The following L3MBTL4 variants were observed in gnomAD, a reference collection of about 807,000 sequenced individuals.
The protein encoded by L3MBTL4 is lethal(3)malignant brain tumor-like protein 4.
A neutral mutation model predicts 84.5 loss-of-function variants in L3MBTL4; 70 were observed. The ratio of observed to expected loss-of-function variants is 0.83; its 90% CI spans 0.68 to 1.01. L3MBTL4 has a LOEUF of 1.01. Ranked by LOEUF, L3MBTL4 falls within the 50% of genes least tolerant of loss-of-function variation. The probability of loss-of-function intolerance (pLI) is 0.00; values close to 1 mark genes in which losing one functional copy is unlikely to be tolerated. For missense variants in L3MBTL4, 715 were observed against 754.8 expected, an observed-to-expected ratio of 0.95 and a Z score of 0.62; for synonymous variants, 274 against 259.8, an observed-to-expected ratio of 1.05 and a Z score of -0.52.
At chr18:5,992,360 G>A (rs1042022202) in intron 16 of L3MBTL4, among the ~76,000 whole-genome samples, 6 of 152,154 alleles carry the variant, frequency 3.9e-5, no homozygotes, top group Non-Finnish European at 8.8e-5. Context: ...AGTATGATAC[G>A]ATGTTTGATA....
Position 6,001,961 on chromosome 18 carries a change from G to C in L3MBTL4, c.1445-32399C>G, listed in dbSNP as rs901104750. On this transcript the variant is annotated intron_variant, in intron 16 of 18. Transcript: ENST00000317931. Reference sequence around the variant, plus strand: ...AGATGCTCAACAAACTCCAAGTAAAGTAAACCTCAAGAAGACCCACAATGA... The same window carrying C: ...AGATGCTCAACAAACTCCAAGTAAACTAAACCTCAAGAAGACCCACAATGA... Among the ~76,000 whole-genome samples the C allele has an allele frequency of 2.0e-5, 3 of 152,192 alleles. 1 individual carries two copies. In the South Asian group the frequency reaches 6.2e-4, roughly 32 times the overall value.
At position 6,004,666 on chromosome 18, in the gene L3MBTL4, A is replaced by G. The variant is rs544181939; in HGVS notation, c.1445-35104T>C. On this transcript the variant is annotated intron_variant, in intron 16 of 18. Coordinates refer to ENST00000317931, the MANE Select transcript of L3MBTL4 (RefSeq NM_001330559.2). ...TGTCATATATATCCAACGGGATATT[A>G]TTTACCTTTAAAAAGGAATGAAATT... is the stretch of plus-strand genomic sequence containing the variant. 1.3e-3 allele frequency among the ~76,000 whole-genome samples: 190 copies of G among 150,694 alleles called. 2 individuals carry two copies. Among genetic ancestry groups the G allele is most frequent in the South Asian group, 3.5e-3 (17 of 4,818 alleles).
chr18:6,091,532 A>C (rs1196651190), intron 15 of L3MBTL4, among the ~76,000 whole-genome samples: 1 of 152,184 alleles, frequency 6.6e-6, no homozygotes, highest in Non-Finnish European at 1.5e-5. Context: ...ATTATCAACT[A>C]ACATTCTCGA....
At position 6,295,012 on chromosome 18, in the gene L3MBTL4, G is replaced by A. The variant is rs539155163; in HGVS notation, c.127+6891C>T. On this transcript the variant is annotated intron_variant, in intron 4 of 18. Transcript: ENST00000317931. ...TAAGAGGCCAGGCACGGTGGTTCACGCTTGTAATCCCAGCATTTTGGGAAG... is the reference window on the plus strand; with the variant it reads ...TAAGAGGCCAGGCACGGTGGTTCACACTTGTAATCCCAGCATTTTGGGAAG... Among the ~76,000 whole-genome samples the A allele has an allele frequency of 3.9e-5, 6 of 152,040 alleles. No homozygotes were observed. The South Asian group carries it at 6.2e-4, about 16-fold the overall frequency.
chr18:6,266,801 T>C (rs1490002172), intron 4 of L3MBTL4, among the ~76,000 whole-genome samples: 2 of 152,070 alleles, frequency 1.3e-5, no homozygotes, highest in African/African-American at 4.8e-5. Context: ...TGCATGCCTA[T>C]AATCCCAGCT....
intron 1 of L3MBTL4, among the ~76,000 whole-genome samples, chr18:6,393,549 C>T (rs1431625001): frequency 6.6e-6 from 1 of 152,228 alleles, no homozygotes; most frequent in African/African-American, 2.4e-5. Flanking sequence ...TTGTTCTCCA[C>T]CCAAGACTAT....
chr18:6,270,931 A>C (rs2048839410), intron 4 of L3MBTL4, among the ~76,000 whole-genome samples: 1 of 152,236 alleles, frequency 6.6e-6, no homozygotes, highest in Non-Finnish European at 1.5e-5. Flanking sequence ...AAAAGGATGG[A>C]GAGACAGGCA....
At chr18:5,987,157 G>A (rs1026367222) in intron 16 of L3MBTL4, among the ~76,000 whole-genome samples, 26 of 152,176 alleles carry the variant, frequency 1.7e-4, no homozygotes, top group African/African-American at 6.3e-4. Context: ...CTTGTAGGAG[G>A]CTCAGGACGG....
chr18:6,267,214 T>C (rs1052437250), intron 4 of L3MBTL4, among the ~76,000 whole-genome samples: 1 of 152,230 alleles, frequency 6.6e-6, no homozygotes, highest in Non-Finnish European at 1.5e-5. Context: ...GACATTAATA[T>C]TCACTATCTG....
chr18:6,205,780 T>C (rs1331446492), intron 12 of L3MBTL4, among the ~76,000 whole-genome samples: 1 of 152,184 alleles, frequency 6.6e-6, no homozygotes, highest in Non-Finnish European at 1.5e-5. Flanking sequence ...CTTCCAGTGG[T>C]TAAAAATAGA....
At chr18:6,318,214 AG>A (rs2051208660) in intron 1 of L3MBTL4, among the ~76,000 whole-genome samples, 1 of 152,070 alleles carries the variant, frequency 6.6e-6, no homozygotes, top group African/African-American at 2.4e-5. Context: ...CAAACCATCT[AG>A]GTAACAATTA....
chr18:6,262,233 C>T (rs538727669), intron 5 of L3MBTL4, among the ~76,000 whole-genome samples: 11 of 152,266 alleles, frequency 7.2e-5, no homozygotes, highest in South Asian at 6.2e-4. Flanking sequence ...GGCAGGAAGG[C>T]GCAGCGGGGA....
chr18:6,191,006 G>T (rs1343827033), intron 12 of L3MBTL4, among the ~76,000 whole-genome samples: 3 of 152,146 alleles, frequency 2.0e-5, no homozygotes, highest in Non-Finnish European at 2.9e-5. Context: ...GTCAGAGGGG[G>T]AACACAGGTA....
intron 16 of L3MBTL4, among the ~76,000 whole-genome samples, chr18:5,972,690 G>C (rs779533649): frequency 6.6e-6 from 1 of 152,098 alleles, no homozygotes; most frequent in Non-Finnish European, 1.5e-5. Flanking sequence ...GGGCGGGATA[G>C]TCAGGTCTAG....
At chr18:6,380,546 C>T (rs1488871199) in intron 1 of L3MBTL4, among the ~76,000 whole-genome samples, 1 of 152,134 alleles carries the variant, frequency 6.6e-6, no homozygotes, top group Non-Finnish European at 1.5e-5. Context: ...CAAAGAACAT[C>T]TTTATTTCTG....
intron 12 of L3MBTL4, among the ~76,000 whole-genome samples, chr18:6,191,133 G>A (rs2045062170): frequency 1.3e-5 from 2 of 152,282 alleles, no homozygotes; most frequent in African/African-American, 4.8e-5. Flanking sequence ...CACATGACAT[G>A]ATCTGACTTG....
chr18:6,035,423 TG>T (rs1490246470), intron 16 of L3MBTL4, among the ~76,000 whole-genome samples: 4 of 150,768 alleles, frequency 2.7e-5, no homozygotes, highest in Admixed American at 6.6e-5. Context: ...CCCCATTGCT[TG>T]TTTTTCTCAG....
intron 5 of L3MBTL4, chr18:6,259,634 T>C (rs1273166171): frequency 6.6e-6 from 1 of 152,106 alleles, no homozygotes; most frequent in Non-Finnish European, 1.5e-5. Flanking sequence ...TTTTAATGGG[T>C]TAATTGGTTT....
At position 5,978,639 on chromosome 18, in the gene L3MBTL4, C is replaced by A. The variant is rs1285622596; in HGVS notation, c.1445-9077G>T. On this transcript the variant is annotated intron_variant, in intron 16 of 18. Coordinates refer to ENST00000317931, the MANE Select transcript of L3MBTL4 (RefSeq NM_001330559.2). ...TGCAGATACTGAGCAACAAGTCCTG[C>A]TGGGTTGGGCATGCACAAAACTGAA... 2.0e-5 allele frequency among the ~76,000 whole-genome samples: 3 copies of A among 152,180 alleles called. No individual in the cohort carries two copies. The East Asian group carries it at 5.8e-4, about 29-fold the overall frequency.
Sources: allele counts gnomAD v4.1 joint callset (sites outside exome capture counted in the v4.1 genomes callset), GRCh38; gene constraint gnomAD v4.1.1; transcripts MANE v1.5; gene names NCBI Gene and HGNC (gene_info 2026-07-23, HGNC 2026-07-21).